Variants in GPRIN3 observed in about 807,000 individuals in gnomAD.
The protein encoded by GPRIN3 is G protein-regulated inducer of neurite outgrowth 3.
A neutral mutation model predicts 13.7 loss-of-function variants in GPRIN3; 12 were observed. The observed-to-expected ratio is 0.87, with a 90% confidence interval of 0.56 to 1.42. GPRIN3 has a LOEUF of 1.42. Among genes scored for constraint, GPRIN3 ranks in the 40% most tolerant of loss-of-function variants. The probability of loss-of-function intolerance (pLI) is 0.00; values close to 1 mark genes in which losing one functional copy is unlikely to be tolerated. For missense variants in GPRIN3, 1,009 were observed against 958.7 expected (o/e 1.05, Z -0.69); for synonymous variants, 377 against 372.7 (o/e 1.01, Z -0.13).
In GPRIN3 at chr4:89,239,216, A is replaced by T. The variant is rs1416783354; in HGVS notation, c.*8564T>A. On this transcript the variant is annotated 3_prime_UTR_variant, in exon 2 of 2. Coordinates refer to ENST00000609438, the MANE Select transcript of GPRIN3 (RefSeq NM_198281.3). ...CATAAATGGACTTTCCATTTTGAAT[A>T]TTTTTTCTTGTAATATTATACCACA... The T allele has an allele frequency of 3.9e-5, 6 of 151,974 alleles. No homozygotes were observed. 9.4% of individuals were successfully genotyped at this position (151,974 alleles called of 1,614,324 possible). A position where few individuals can be genotyped will look rare whatever the true frequency, so the allele number is the denominator to read the frequency against.
intron 1 of GPRIN3, among the ~76,000 whole-genome samples, chr4:89,265,426 A>C (rs1357108268): frequency 2.0e-5 from 3 of 152,200 alleles, no homozygotes; most frequent in Non-Finnish European, 4.4e-5. Context: ...TTTGGAAAAA[A>C]TGTAATAATA....
chr4:89,282,041 T>C lies in GPRIN3; in HGVS notation c.-124+25574A>G, dbSNP rs140116918. Among the ~76,000 whole-genome samples, 132 of 151,874 alleles carry C rather than the reference T, an allele frequency of 8.7e-4. 1 individual carries two copies. In the East Asian group the frequency reaches 0.019, roughly 22 times the overall value. On this transcript the variant is annotated intron_variant, in intron 1 of 1. Coordinates refer to ENST00000609438, the MANE Select transcript of GPRIN3 (RefSeq NM_198281.3). ...TGCCTGGTAGTCTCAGTATCCTGCA[T>C]GGTGCTGGCAAGAAGAAAAAGAAGT... is the stretch of plus-strand genomic sequence containing the variant.
At chr4:89,250,706 C>T (rs1381571943) in intron 1 of GPRIN3, 1 of 151,176 alleles carries the variant, frequency 6.6e-6, no homozygotes, top group African/African-American at 2.5e-5. Context: ...AGAAGTATTA[C>T]AATTTGGTGG....
At chr4:89,270,024 C>T (rs1355299702) in intron 1 of GPRIN3, among the ~76,000 whole-genome samples, 2 of 152,104 alleles carry the variant, frequency 1.3e-5, no homozygotes, top group African/African-American at 4.8e-5. Context: ...CTTTAATTCT[C>T]ATTTAAGGAG....
Position 89,306,954 on chromosome 4 carries a change from T to C in GPRIN3, c.-124+661A>G, listed in dbSNP as rs117256484. ...GCCTGGAGAGCATGAAGATCTTCTG[T>C]GTGTGTTGGCTGACAGGCTCCTTCA... On this transcript the variant is annotated intron_variant, in intron 1 of 1. Coordinates refer to ENST00000609438, the MANE Select transcript of GPRIN3 (RefSeq NM_198281.3). Among the ~76,000 whole-genome samples the C allele has an allele frequency of 6.8e-4, 103 of 152,168 alleles. 2 individuals are homozygous for C. In the East Asian group the frequency reaches 0.019, roughly 29 times the overall value.
intron 1 of GPRIN3, among the ~76,000 whole-genome samples, chr4:89,289,781 C>A (rs1293554233): frequency 6.6e-6 from 1 of 152,136 alleles, no homozygotes; most frequent in African/African-American, 2.4e-5. Flanking sequence ...CTTATGTAAT[C>A]ACTAATAGTG....
At chr4:89,273,846 C>G (rs4399946) in intron 1 of GPRIN3, among the ~76,000 whole-genome samples, 1 of 152,102 alleles carries the variant, frequency 6.6e-6, no homozygotes, top group Non-Finnish European at 1.5e-5. Flanking sequence ...TGTTATGGTA[C>G]GTGTCCCTCC....
chr4:89,292,536 T>C (rs955546480), intron 1 of GPRIN3, among the ~76,000 whole-genome samples: 3 of 152,212 alleles, frequency 2.0e-5, no homozygotes, highest in African/African-American at 4.8e-5. Flanking sequence ...GATCTGTACA[T>C]ACTATTTGTC....
chr4:89,269,641 T>C (rs1419021293), intron 1 of GPRIN3, among the ~76,000 whole-genome samples: 1 of 152,208 alleles, frequency 6.6e-6, no homozygotes, highest in Non-Finnish European at 1.5e-5. Context: ...AAGATACCCA[T>C]TATTTTGAAC....
chr4:89,255,555 G>C (rs939062639), intron 1 of GPRIN3, among the ~76,000 whole-genome samples: 1 of 152,178 alleles, frequency 6.6e-6, no homozygotes, highest in Non-Finnish European at 1.5e-5. Flanking sequence ...GAGATATTTA[G>C]CCAAGGAGAG....
At chr4:89,281,411 C>T (rs987928515) in intron 1 of GPRIN3, among the ~76,000 whole-genome samples, 7 of 152,158 alleles carry the variant, frequency 4.6e-5, no homozygotes, top group East Asian at 1.9e-4. Flanking sequence ...TGTGAGCCAC[C>T]GCACCCAGCT....
chr4:89,306,852 T>C (rs1034043821), intron 1 of GPRIN3, among the ~76,000 whole-genome samples: 1 of 152,188 alleles, frequency 6.6e-6, no homozygotes, highest in African/African-American at 2.4e-5. Flanking sequence ...CCCAGTGGCA[T>C]ATTAAGTACC....
chr4:89,249,064 A>T lies in GPRIN3; in HGVS notation c.1047T>A (p.Ala349=), dbSNP rs745477846. 1.7e-5 allele frequency: 27 copies of T among 1,614,078 alleles called. No homozygotes were observed. The highest frequency in any genetic ancestry group is 8.5e-7 in the Non-Finnish European group (1 of 1,180,030). Residue 349 remains alanine, a synonymous_variant, in exon 2 of 2, where the codon GCT becomes GCA. Coordinates refer to ENST00000609438, the MANE Select transcript of GPRIN3 (RefSeq NM_198281.3). The part of the protein sequence containing the change: ...ILTAFLKESR[A]PEHFEQEQLR... ...GCTGCTCTTGTTCAAAATGCTCAGG[A>T]GCACGGCTTTCCTTCAGAAATGCAG...
rs372513468 is a variant in GPRIN3, at chr4:89,249,976, A to G, written c.135T>C (p.Asn45=). 1.2e-6 allele frequency: 2 copies of G among 1,614,204 alleles called. No individual in the cohort carries two copies. Among genetic ancestry groups the G allele is most frequent in the Admixed American group, 3.3e-5 (2 of 60,032 alleles). The change falls in exon 2 of 2, where the codon AAT becomes AAC. Residue 45 remains asparagine (N), a synonymous_variant. Coordinates refer to ENST00000609438, the MANE Select transcript of GPRIN3 (RefSeq NM_198281.3). ...HRPALLCKNA[N]GFSGAPAEPD... is the part of the protein sequence containing the mutation. Reference sequence around the variant, plus strand: ...GTTCTGCAGGGGCACCTGAAAAGCCATTGGCATTCTTACACAGGAGAGCTG... The same window carrying G: ...GTTCTGCAGGGGCACCTGAAAAGCCGTTGGCATTCTTACACAGGAGAGCTG...
chr4:89,263,430 AG>A (rs1200042057), intron 1 of GPRIN3, among the ~76,000 whole-genome samples: 2 of 152,160 alleles, frequency 1.3e-5, no homozygotes, highest in Non-Finnish European at 2.9e-5. Flanking sequence ...GTGGAGGCCC[AG>A]GAAGTCTGCA....
chr4:89,276,199 C>T (rs1347458821), intron 1 of GPRIN3, among the ~76,000 whole-genome samples: 2 of 152,132 alleles, frequency 1.3e-5, no homozygotes, highest in African/African-American at 4.8e-5. Context: ...TATTTAGTAT[C>T]TACTATGCAC....
chr4:89,272,980 G>A (rs565216124), intron 1 of GPRIN3, among the ~76,000 whole-genome samples: 1 of 152,246 alleles, frequency 6.6e-6, no homozygotes, highest in African/African-American at 2.4e-5. Context: ...TAGAGCTTTA[G>A]AAGTGTTGAA....
chr4:89,248,179 C>T lies in GPRIN3; in HGVS notation c.1932G>A (p.Glu644=). 6 of 1,614,176 alleles carry T rather than the reference C, an allele frequency of 3.7e-6. No homozygotes were observed. Among genetic ancestry groups the T allele is most frequent in the Non-Finnish European group, 5.1e-6 (6 of 1,180,022 alleles). Residue 644 remains glutamate (E), a synonymous_variant, in exon 2 of 2, where the codon GAG becomes GAA. Transcript: ENST00000609438. Reference sequence around the variant, plus strand: ...CAGCTGCTGTCACATTTAACTTTTGCTCCTTGAGGAACTCGCTGACGCGGC... The same window carrying T: ...CAGCTGCTGTCACATTTAACTTTTGTTCCTTGAGGAACTCGCTGACGCGGC... ...RPSRVSEFLK[E]QKLNVTAAAA...
rs1722869214 is a variant in GPRIN3 at position 89,239,566 on chromosome 4, GT to G, written c.*8213del. On this transcript the variant is annotated 3_prime_UTR_variant, in exon 2 of 2. Coordinates refer to ENST00000609438, the MANE Select transcript of GPRIN3 (RefSeq NM_198281.3). ...CATTCGTTCTCTAAAACATGAATAT[GT>G]TTTTAAATGTTATTCTTAACTTTCT... The G allele has an allele frequency of 6.6e-6, 1 of 152,168 alleles. No individual in the cohort carries two copies. The highest frequency in any genetic ancestry group is 2.4e-5 in the African/African-American group (1 of 41,444). 9.4% of individuals were successfully genotyped at this position (152,168 alleles called of 1,614,324 possible). A position where few individuals can be genotyped will look rare whatever the true frequency, so the allele number is the denominator to read the frequency against.
Sources: allele counts gnomAD v4.1 joint callset (sites outside exome capture counted in the v4.1 genomes callset), GRCh38; gene constraint gnomAD v4.1.1; transcripts MANE v1.5; gene names NCBI Gene and HGNC (gene_info 2026-07-23, HGNC 2026-07-21).